The following UBAC1 variants were observed in gnomAD, a reference collection of about 807,000 sequenced individuals.
UBAC1 encodes the protein UBA domain containing 1, also known as ubiquitin-associated domain-containing protein 1.
A neutral mutation model predicts 45.9 loss-of-function variants in UBAC1; 27 were observed. The ratio of observed to expected loss-of-function variants is 0.59; its 90% CI spans 0.43 to 0.81. UBAC1 has a LOEUF of 0.81. UBAC1 is among the 30% of genes least tolerant of loss of function. The pLI, the probability that UBAC1 is intolerant of heterozygous loss-of-function variation, is 0.00. For missense variants in UBAC1, 529 were observed against 539.2 expected (o/e 0.98, Z 0.19); for synonymous variants, 227 against 215.5 (o/e 1.05, Z -0.47).
Position 135,961,153 on chromosome 9 carries a change from G to T in UBAC1, c.10C>A (p.Gln4Lys). The T allele has an allele frequency of 6.4e-7, 1 of 1,569,904 alleles. No individual in the cohort carries two copies. Among genetic ancestry groups the T allele is most frequent in the Non-Finnish European group, 8.6e-7 (1 of 1,165,196 alleles). ...TTGCCCGCGAAGATCTTCTCCTCCTGCACGAACATCCCGCCGCCGCCGCAG... is the reference window on the plus strand; with the variant it reads ...TTGCCCGCGAAGATCTTCTCCTCCTTCACGAACATCCCGCCGCCGCCGCAG... MFVQEEKIFAGKVL... is the reference protein window; with the variant it reads MFVKEEKIFAGKVL... The change falls in exon 1 of 10, where the codon CAG becomes AAG. Residue 4 changes from glutamine (Q) to lysine (K), a missense_variant. By Grantham distance (53) the Gln-to-Lys change is moderately conservative (BLOSUM62 1). Coordinates refer to ENST00000371756, the MANE Select transcript of UBAC1 (RefSeq NM_016172.3).
Position 135,961,141 on chromosome 9 carries a change from T to A in UBAC1, c.22A>T (p.Ile8Phe), listed in dbSNP as rs898142253. The A allele has an allele frequency of 6.3e-7, 1 of 1,582,600 alleles. No homozygotes were observed. The stretch of plus-strand genomic sequence containing the variant: ...AGCCGCAGCACCTTGCCCGCGAAGA[T>A]CTTCTCCTCCTGCACGAACATCCCG... MFVQEEK[I>F]FAGKVLRLHI... The change falls in exon 1 of 10, where the codon ATC becomes TTC. Residue 8 changes from isoleucine to phenylalanine, a missense_variant. Transcript: ENST00000371756.
intron 1 of UBAC1, among the ~76,000 whole-genome samples, chr9:135,956,163 C>T (rs1356142993): frequency 1.3e-5 from 2 of 152,164 alleles, no homozygotes; most frequent in Admixed American, 6.5e-5. Context: ...CAGCCACCTC[C>T]GAGCAGCGCT....
At chr9:135,940,685 A>T (rs537558908) in intron 7 of UBAC1, among the ~76,000 whole-genome samples, 2 of 152,324 alleles carry the variant, frequency 1.3e-5, no homozygotes, top group South Asian at 4.1e-4. Flanking sequence ...GGAAGGACAT[A>T]CATTTTCTGG....
intron 9 of UBAC1, among the ~76,000 whole-genome samples, chr9:135,936,731 G>A (rs915019703): frequency 2.0e-5 from 3 of 152,076 alleles, no homozygotes; most frequent in African/African-American, 2.4e-5. Flanking sequence ...CTGACCTCGT[G>A]ATCCACCTGC....
chr9:135,946,686 CCT>C (rs1231665312), intron 4 of UBAC1, among the ~76,000 whole-genome samples: 10 of 152,220 alleles, frequency 6.6e-5, no homozygotes, highest in African/African-American at 2.2e-4. Context: ...AGCTGAAGAC[CCT>C]CTCTGGCTTC....
intron 3 of UBAC1, among the ~76,000 whole-genome samples, chr9:135,951,772 T>G (rs1335184232): frequency 3.9e-5 from 6 of 152,174 alleles, no homozygotes; most frequent in Non-Finnish European, 8.8e-5. Context: ...ATCACGCCAC[T>G]GCACTCTAGC....
intron 7 of UBAC1, 72 bp from the exon 8 acceptor site, chr9:135,939,831 G>A: frequency 4.4e-6 from 6 of 1,364,528 alleles, no homozygotes; most frequent in Non-Finnish European, 6.2e-6. Context: ...TGCGTGCAGA[G>A]GGGCCCGCTC....
chr9:135,934,944 G>T (rs746124698), intron 9 of UBAC1, among the ~76,000 whole-genome samples: 1 of 152,134 alleles, frequency 6.6e-6, no homozygotes, highest in African/African-American at 2.4e-5. Context: ...GCAGTGGAGT[G>T]ATCATGGCTC....
chr9:135,938,095 G>T, intron 9 of UBAC1, 127 bp downstream of exon 9: 2 of 1,414,686 alleles, frequency 1.4e-6, no homozygotes, highest in South Asian at 2.7e-5. Context: ...ATGGCAGGAC[G>T]TGCTGCCAGC....
chr9:135,960,605 C>T (rs918217503), intron 1 of UBAC1, among the ~76,000 whole-genome samples: 2 of 152,220 alleles, frequency 1.3e-5, no homozygotes, highest in African/African-American at 4.8e-5. Flanking sequence ...AAAACCTCAC[C>T]CCAACAGCAA....
chr9:135,952,956 C>A (rs1040069764), intron 3 of UBAC1, among the ~76,000 whole-genome samples: 3 of 152,234 alleles, frequency 2.0e-5, no homozygotes, highest in South Asian at 2.1e-4. Flanking sequence ...TCTCTGCATG[C>A]GCAGCCCTTA....
At chr9:135,953,192 G>T (rs892379624) in intron 3 of UBAC1, among the ~76,000 whole-genome samples, 2 of 152,232 alleles carry the variant, frequency 1.3e-5, no homozygotes, top group Non-Finnish European at 2.9e-5. Context: ...GACTGACACG[G>T]ATTAAACAGG....
At chr9:135,935,988 TGCACTC>T (rs1471591566) in intron 9 of UBAC1, among the ~76,000 whole-genome samples, 2 of 147,622 alleles carry the variant, frequency 1.4e-5, no homozygotes, top group African/African-American at 5.0e-5. Context: ...ATCGTGCCAC[TGCACTC>T]CAGCCTGGGT....
chr9:135,952,956 C>T (rs1040069764), intron 3 of UBAC1, among the ~76,000 whole-genome samples: 11 of 152,234 alleles, frequency 7.2e-5, no homozygotes, highest in Non-Finnish European at 1.0e-4. Context: ...TCTCTGCATG[C>T]GCAGCCCTTA....
intron 1 of UBAC1, among the ~76,000 whole-genome samples, 158 bp from the exon 2 acceptor site, chr9:135,955,573 G>A (rs1446961365): frequency 1.3e-5 from 2 of 152,178 alleles, no homozygotes; most frequent in Non-Finnish European, 2.9e-5. Flanking sequence ...ACTAATGGTA[G>A]ATGCCAAATG....
At chr9:135,937,824 C>G (rs1387056950) in intron 9 of UBAC1, among the ~76,000 whole-genome samples, 1 of 152,212 alleles carries the variant, frequency 6.6e-6, no homozygotes, top group Non-Finnish European at 1.5e-5. Flanking sequence ...ATGTACGTAT[C>G]TCACAATAAA....
intron 9 of UBAC1, among the ~76,000 whole-genome samples, chr9:135,935,882 C>T (rs1244448269): frequency 3.9e-5 from 6 of 152,028 alleles, no homozygotes; most frequent in Middle Eastern, 3.4e-3. Context: ...AAAAATTAGC[C>T]GGGCACGGTG....
chr9:135,957,760 T>C (rs1464395065), intron 1 of UBAC1, among the ~76,000 whole-genome samples: 2 of 147,222 alleles, frequency 1.4e-5, no homozygotes, highest in Non-Finnish European at 3.0e-5. Context: ...CTGGCAATTT[T>C]ATGAACTCCT....
intron 8 of UBAC1, among the ~76,000 whole-genome samples, chr9:135,939,238 C>G (rs1205864969): frequency 6.6e-6 from 1 of 151,894 alleles, no homozygotes; most frequent in African/African-American, 2.4e-5. Flanking sequence ...AACAAATTAC[C>G]CATCCATAAA....
Sources: allele counts gnomAD v4.1 joint callset (sites outside exome capture counted in the v4.1 genomes callset), GRCh38; gene constraint gnomAD v4.1.1; transcripts MANE v1.5; gene names NCBI Gene and HGNC (gene_info 2026-07-23, HGNC 2026-07-21).